HS3ST4: variants seen among roughly 807,000 people sequenced by gnomAD.
HS3ST4 encodes the protein heparan sulfate glucosamine 3-O-sulfotransferase 4.
HS3ST4 carries 17 observed loss-of-function variants against 29.2 expected under a neutral mutation model. That is an observed-to-expected ratio of 0.58 (90% confidence interval 0.40 to 0.87). HS3ST4 has a LOEUF of 0.87. HS3ST4 is among the 40% of genes least tolerant of loss of function. HS3ST4 has a pLI of 0.00. For synonymous variants in HS3ST4, 314 were observed against 285.7 expected (o/e 1.10, Z -1.00); for missense variants, 627 against 634.5 (o/e 0.99, Z 0.13).
chr16:25,772,623 A>G (rs1226248152), intron 1 of HS3ST4, among the ~76,000 whole-genome samples: 2 of 152,176 alleles, frequency 1.3e-5, no homozygotes, highest in East Asian at 1.9e-4. Flanking sequence ...CAGCCTTTCA[A>G]CTGAAACATG....
At chr16:25,856,129 C>G (rs4644866) in intron 1 of HS3ST4, among the ~76,000 whole-genome samples, 128,201 of 152,044 alleles carry the variant, frequency 0.84, 54,355 homozygotes, top group East Asian at 1. Flanking sequence ...AGTTTCTGGA[C>G]GTAAAGCTGA....
chr16:25,858,236 A>G (rs1200520644), intron 1 of HS3ST4, among the ~76,000 whole-genome samples: 1 of 151,904 alleles, frequency 6.6e-6, no homozygotes, highest in Non-Finnish European at 1.5e-5. Flanking sequence ...AAATTATACA[A>G]ACTTGCATGC....
chr16:26,030,469 AAATC>A (rs2141753017), intron 1 of HS3ST4, among the ~76,000 whole-genome samples: 1 of 152,350 alleles, frequency 6.6e-6, no homozygotes, highest in East Asian at 1.9e-4. Context: ...AGGTGCAAAT[AAATC>A]AACGCAAAGC....
At chr16:25,932,693 C>T (rs8051368) in intron 1 of HS3ST4, among the ~76,000 whole-genome samples, 87,401 of 151,746 alleles carry the variant, frequency 0.58, 26,377 homozygotes, top group African/African-American at 0.72. Context: ...ATGCATGATC[C>T]TATGTACCCT....
intron 1 of HS3ST4, among the ~76,000 whole-genome samples, chr16:25,986,174 A>G (rs917814460): frequency 3.3e-5 from 5 of 152,068 alleles, no homozygotes; most frequent in East Asian, 3.8e-4. Context: ...AATTATCTCT[A>G]CCTAACAAAA....
chr16:25,854,222 C>T (rs771896959), intron 1 of HS3ST4, among the ~76,000 whole-genome samples: 2 of 152,072 alleles, frequency 1.3e-5, no homozygotes, highest in African/African-American at 2.4e-5. Flanking sequence ...CTGAGCCTCC[C>T]GAGTAGCTGG....
chr16:26,032,116 A>G (rs887424270), intron 1 of HS3ST4, among the ~76,000 whole-genome samples: 38 of 152,186 alleles, frequency 2.5e-4, no homozygotes, highest in African/African-American at 8.7e-4. Context: ...CTGGTAACCA[A>G]TGACTAGGGG....
At chr16:25,865,709 C>T (rs1027166460) in intron 1 of HS3ST4, among the ~76,000 whole-genome samples, 2 of 152,068 alleles carry the variant, frequency 1.3e-5, no homozygotes, top group Non-Finnish European at 2.9e-5. Flanking sequence ...GTTGCCAAGA[C>T]CATGCAATAG....
chr16:25,966,441 TC>T (rs1216698376), intron 1 of HS3ST4, among the ~76,000 whole-genome samples: 1 of 152,136 alleles, frequency 6.6e-6, no homozygotes, highest in East Asian at 1.9e-4. Flanking sequence ...CCTGCTCTCC[TC>T]CCTTGGAAGA....
At chr16:26,024,897 G>C (rs1039450901) in intron 1 of HS3ST4, among the ~76,000 whole-genome samples, 1 of 152,174 alleles carries the variant, frequency 6.6e-6, no homozygotes, top group African/African-American at 2.4e-5. Context: ...CCAAAAGCTG[G>C]ATTATCTAAG....
chr16:25,992,940 G>C (rs1490268333), intron 1 of HS3ST4, among the ~76,000 whole-genome samples: 2 of 152,190 alleles, frequency 1.3e-5, no homozygotes, highest in East Asian at 3.9e-4. Context: ...TCTTTCCTCT[G>C]TGCACAGCTC....
At chr16:26,001,561 C>T (rs1303791934) in intron 1 of HS3ST4, among the ~76,000 whole-genome samples, 2 of 151,918 alleles carry the variant, frequency 1.3e-5, no homozygotes, top group African/African-American at 2.4e-5. Flanking sequence ...TTTCAACAAG[C>T]TTGTGATAAA....
At chr16:25,976,159 T>G (rs1204181311) in intron 1 of HS3ST4, among the ~76,000 whole-genome samples, 1 of 152,238 alleles carries the variant, frequency 6.6e-6, no homozygotes, top group African/African-American at 2.4e-5. Context: ...CCAGTATTAA[T>G]TAGGTTAAAA....
At chr16:25,913,742 A>C (rs1968262316) in intron 1 of HS3ST4, among the ~76,000 whole-genome samples, 2 of 151,546 alleles carry the variant, frequency 1.3e-5, no homozygotes, top group Non-Finnish European at 2.9e-5. Context: ...ATATGTAAGT[A>C]ATGTGGTAGA....
intron 1 of HS3ST4, among the ~76,000 whole-genome samples, chr16:25,880,261 T>C (rs1445706277): frequency 6.6e-6 from 1 of 152,194 alleles, no homozygotes; most frequent in Non-Finnish European, 1.5e-5. Flanking sequence ...GTTTCATCCC[T>C]GAGATTCTAA....
intron 1 of HS3ST4, among the ~76,000 whole-genome samples, chr16:25,831,597 T>TA: frequency 6.6e-6 from 1 of 150,792 alleles, no homozygotes; most frequent in Non-Finnish European, 1.5e-5. Context: ...TCCAAAAAAA[T>TA]AAAAATAAAA....
chr16:25,881,624 A>C (rs1967897307), intron 1 of HS3ST4, among the ~76,000 whole-genome samples: 1 of 152,160 alleles, frequency 6.6e-6, no homozygotes, highest in Admixed American at 6.5e-5. Flanking sequence ...GGGCTCCTGC[A>C]GTCTCTTATC....
intron 1 of HS3ST4, among the ~76,000 whole-genome samples, chr16:26,055,629 C>T (rs1258175783): frequency 2.6e-5 from 4 of 152,158 alleles, no homozygotes; most frequent in Admixed American, 2.6e-4. Context: ...CATAATAATC[C>T]TCAGACTTCT....
chr16:25,734,183 C>A (rs1466284170), intron 1 of HS3ST4, among the ~76,000 whole-genome samples: 1 of 152,216 alleles, frequency 6.6e-6, no homozygotes, highest in Non-Finnish European at 1.5e-5. Context: ...CTTCTCTTTT[C>A]TGGCTATGTG....
Sources: gnomAD v4.1 joint callset for allele counts (sites outside exome capture counted in the v4.1 genomes callset) on GRCh38, gnomAD v4.1.1 for gene constraint, MANE v1.5 for transcripts, NCBI Gene and HGNC (gene_info 2026-07-23, HGNC 2026-07-21) for gene names.